SH3BP4: variants seen among roughly 807,000 people sequenced by gnomAD.
SH3BP4 encodes the protein SH3 domain binding protein 4, also known as SH3 domain-binding protein 4.
SH3BP4 carries 33 observed loss-of-function variants against 65.5 expected under a neutral mutation model. The ratio of observed to expected loss-of-function variants is 0.50; its 90% CI spans 0.38 to 0.67. The LOEUF is 0.67. Ranked by LOEUF, SH3BP4 falls within the 30% of genes least tolerant of loss-of-function variation. The pLI is 0.00. For synonymous variants in SH3BP4, 552 were observed against 545.5 expected, an observed-to-expected ratio of 1.01 and a Z score of -0.17; for missense variants, 1,134 against 1,261.4, an observed-to-expected ratio of 0.90 and a Z score of 1.53.
intron 2 of SH3BP4, among the ~76,000 whole-genome samples, chr2:235,001,361 C>T (rs949283460): frequency 2.0e-5 from 3 of 152,184 alleles, no homozygotes; most frequent in African/African-American, 4.8e-5. Flanking sequence ...ACGTTAACAA[C>T]CTCTGAGCTG....
chr2:234,991,899 C>T lies in SH3BP4; in HGVS notation c.-206-3404C>T, dbSNP rs529950282. Among the ~76,000 whole-genome samples the T allele has an allele frequency of 2.7e-3, 409 of 152,344 alleles. 2 individuals carry two copies. Among genetic ancestry groups the T allele is most frequent in the African/African-American group, 9.4e-3 (391 of 41,578 alleles). Reference sequence around the variant, plus strand: ...GTCCCTGCCCAGGGTCCAGTTCTGGCGTCTCTGAGCCCCCTGTCAGGGCAG... The same window carrying T: ...GTCCCTGCCCAGGGTCCAGTTCTGGTGTCTCTGAGCCCCCTGTCAGGGCAG... On this transcript the variant is annotated intron_variant, in intron 1 of 5. Transcript: ENST00000392011. This position sits in a 1 kb window ranked among gnomAD's most constrained non-coding sequence, Gnocchi z 4.2.
chr2:234,999,341 G>A (rs909813639), intron 2 of SH3BP4, among the ~76,000 whole-genome samples: 19 of 152,146 alleles, frequency 1.2e-4, no homozygotes, highest in African/African-American at 4.1e-4. Flanking sequence ...GAAAGATTCC[G>A]CTATTATTTA....
chr2:234,952,061 G>A lies in SH3BP4; in HGVS notation c.-316G>A. The stretch of plus-strand genomic sequence containing the variant: ...GCGGTCCGGGCCCCTCGCCACTACC[G>A]CCGCCGCCGCCGCCGTGAGTCCCGC... On this transcript the variant is annotated 5_prime_UTR_variant, in exon 1 of 6. Transcript: ENST00000392011. The surrounding 1 kb of genome is among the most constrained non-coding windows in gnomAD (Gnocchi z 6.5). 2 of 147,056 alleles carry A rather than the reference G, an allele frequency of 1.4e-5. No individual in the cohort carries two copies. Among genetic ancestry groups the A allele is most frequent in the South Asian group, 1.8e-4 (1 of 5,480 alleles). The allele number at this position is 147,056 out of a possible 1,614,324, so 9.1% of individuals were successfully genotyped here.
chr2:235,041,897 T>C lies in SH3BP4; in HGVS notation c.1128T>C (p.Pro376=), dbSNP rs1223036918. 6.2e-7 allele frequency: 1 copy of C among 1,613,294 alleles called. No homozygotes were observed. The highest frequency in any genetic ancestry group is 1.7e-5 in the Admixed American group (1 of 59,992). The stretch of plus-strand genomic sequence containing the variant: ...GTGACAGGTCCTGCAGCATCAGCCC[T>C]GTGCTGGAGGTCAAGCTGAGCAACC... ...LNSDRSCSIS[P]VLEVKLSNLE... is the part of the protein sequence containing the mutation. Residue 376 remains proline (P), a synonymous_variant, in exon 4 of 6, where the codon CCT becomes CCC. Coordinates refer to ENST00000392011, the MANE Select transcript of SH3BP4 (RefSeq NM_014521.3). The surrounding 1 kb of genome is among the most constrained non-coding windows in gnomAD (Gnocchi z 6.0).
intron 2 of SH3BP4, among the ~76,000 whole-genome samples, chr2:235,025,693 A>G (rs1409102766): frequency 6.6e-6 from 1 of 152,258 alleles, no homozygotes; most frequent in Non-Finnish European, 1.5e-5. Flanking sequence ...AATAACAAGC[A>G]CGATGAACAG....
intron 2 of SH3BP4, among the ~76,000 whole-genome samples, chr2:235,032,351 C>T (rs1002160837): frequency 6.6e-6 from 1 of 152,238 alleles, no homozygotes; most frequent in Non-Finnish European, 1.5e-5. Flanking sequence ...TGGCAAGTAC[C>T]AGTTGTGGGC....
intron 1 of SH3BP4, among the ~76,000 whole-genome samples, chr2:234,988,311 G>A (rs1441231464): frequency 1.3e-5 from 2 of 152,046 alleles, no homozygotes; most frequent in Non-Finnish European, 2.9e-5. Context: ...TGCCCACCTT[G>A]GCCTCCCAAA....
At chr2:234,987,303 C>T (rs1693591623) in intron 1 of SH3BP4, among the ~76,000 whole-genome samples, 1 of 151,114 alleles carries the variant, frequency 6.6e-6, no homozygotes, top group Non-Finnish European at 1.5e-5. Flanking sequence ...GTATTTGGCA[C>T]TCAGTGTCTG....
chr2:235,048,364 T>C (rs1024632592), intron 4 of SH3BP4, among the ~76,000 whole-genome samples: 2 of 152,304 alleles, frequency 1.3e-5, no homozygotes, highest in East Asian at 3.9e-4. Flanking sequence ...AAGGTCTCGC[T>C]CTGTCTCCTA....
At chr2:235,051,874 TTC>T (rs1427607899) in intron 4 of SH3BP4, among the ~76,000 whole-genome samples, 6 of 152,182 alleles carry the variant, frequency 3.9e-5, no homozygotes, top group African/African-American at 1.4e-4. Context: ...ATGCATTCGT[TTC>T]TCTCTGGTGT....
rs142587941 is a variant in SH3BP4 at position 235,015,160 on chromosome 2, T to C, written c.-132-19711T>C. Among the ~76,000 whole-genome samples, 43 of 152,360 alleles carry C rather than the reference T, an allele frequency of 2.8e-4. No homozygotes were observed. In the East Asian group the frequency reaches 7.3e-3, roughly 26 times the overall value. ...TCAGTAGTTAATAAAGAAATCATAC[T>C]ACCCAATTTAATGAAGCACCTGTTA... On this transcript the variant is annotated intron_variant, in intron 2 of 5. Transcript: ENST00000392011.
chr2:235,020,018 C>T (rs552230616), intron 2 of SH3BP4, among the ~76,000 whole-genome samples: 10 of 152,196 alleles, frequency 6.6e-5, no homozygotes, highest in Admixed American at 1.3e-4. Context: ...GTGGACCCCC[C>T]GAGGGAGAGC....
chr2:235,000,625 A>G (rs181329685), intron 2 of SH3BP4, among the ~76,000 whole-genome samples: 220 of 152,268 alleles, frequency 1.4e-3, no homozygotes, highest in African/African-American at 4.9e-3. Flanking sequence ...TCATGTCCCC[A>G]TTGCGTAGAG....
At chr2:235,024,637 T>C (rs1408512295) in intron 2 of SH3BP4, among the ~76,000 whole-genome samples, 2 of 152,058 alleles carry the variant, frequency 1.3e-5, no homozygotes, top group Non-Finnish European at 2.9e-5. Context: ...GAGGCCTCAG[T>C]TTTCTCATCT....
intron 1 of SH3BP4, among the ~76,000 whole-genome samples, chr2:234,965,922 A>T (rs2106243564): frequency 6.6e-6 from 1 of 152,356 alleles, no homozygotes; most frequent in Middle Eastern, 3.4e-3. Context: ...CAAATAGGCA[A>T]TGCAGTAGAG....
chr2:235,034,944 G>A lies in SH3BP4; in HGVS notation c.-59G>A, dbSNP rs1451763097. 7.0e-7 allele frequency: 1 copy of A among 1,438,608 alleles called. No homozygotes were observed. Among genetic ancestry groups the A allele is most frequent in the East Asian group, 2.3e-5 (1 of 43,814 alleles). 89.1% of individuals were successfully genotyped at this position (1,438,608 alleles called of 1,614,324 possible). A position where few individuals can be genotyped will look rare whatever the true frequency, so the allele number is the denominator to read the frequency against. ...AGGCAGAAGCTTCAGCATCTGCTGGGATAACTGGAGGAAGAAATATGAAGC... is the reference window on the plus strand; with the variant it reads ...AGGCAGAAGCTTCAGCATCTGCTGGAATAACTGGAGGAAGAAATATGAAGC... On this transcript the variant is annotated 5_prime_UTR_variant, in exon 3 of 6. Coordinates refer to ENST00000392011, the MANE Select transcript of SH3BP4 (RefSeq NM_014521.3). The surrounding 1 kb of genome is among the most constrained non-coding windows in gnomAD (Gnocchi z 6.2).
At chr2:235,032,417 T>A (rs182463061) in intron 2 of SH3BP4, among the ~76,000 whole-genome samples, 268 of 152,356 alleles carry the variant, frequency 1.8e-3, no homozygotes, top group African/African-American at 6.0e-3. Context: ...TTCATTTTCT[T>A]TCTGCATCGA....
rs1207936706 is a variant in SH3BP4, at chr2:234,976,669, C to CGCTGATGG, written c.-206-18633_-206-18626dup. ...AGGTCACCATGGCAGGGATAAGTCA[C>CGCTGATGG]GCTGATGGCATTGTGTGGCAAGAAG... On this transcript the variant is annotated intron_variant, in intron 1 of 5. Coordinates refer to ENST00000392011, the MANE Select transcript of SH3BP4 (RefSeq NM_014521.3). This position sits in a 1 kb window ranked among gnomAD's most constrained non-coding sequence, Gnocchi z 4.7. Among the ~76,000 whole-genome samples the CGCTGATGG allele has an allele frequency of 6.6e-6, 1 of 152,134 alleles. No individual in the cohort carries two copies. Among genetic ancestry groups the CGCTGATGG allele is most frequent in the African/African-American group, 2.4e-5 (1 of 41,432 alleles).
At chr2:235,004,676 G>A (rs1370015456) in intron 2 of SH3BP4, among the ~76,000 whole-genome samples, 1 of 152,114 alleles carries the variant, frequency 6.6e-6, no homozygotes, top group South Asian at 2.1e-4. Flanking sequence ...CTGTTTCCAG[G>A]GTTCATCCAC....
Sources: gnomAD v4.1 joint callset for allele counts (sites outside exome capture counted in the v4.1 genomes callset) on GRCh38, gnomAD v4.1.1 for gene constraint, Gnocchi (gnomAD v3.1) non-coding constraint, MANE v1.5 for transcripts, NCBI Gene and HGNC (gene_info 2026-07-23, HGNC 2026-07-21) for gene names.